PIGN: variants seen among roughly 807,000 people sequenced by gnomAD.
PIGN encodes the protein GPI ethanolamine phosphate transferase 1.
PIGN carries 117 observed loss-of-function variants against 125.4 expected under a neutral mutation model. That is an observed-to-expected ratio of 0.93 (90% confidence interval 0.80 to 1.09). The LOEUF (loss-of-function observed/expected upper bound fraction) is 1.09, where lower values mean the gene tolerates loss of function less well. Among genes scored for constraint, PIGN ranks in the 50% least tolerant of loss-of-function variants. The probability of loss-of-function intolerance (pLI) is 0.00; values close to 1 mark genes in which losing one functional copy is unlikely to be tolerated. For synonymous variants in PIGN, 392 were observed against 377.8 expected (o/e 1.04, Z -0.44); for missense variants, 1,075 against 1,094.9 (o/e 0.98, Z 0.26).
At chr18:62,029,286 CT>C (rs1185337447) in intron 23 of PIGN, among the ~76,000 whole-genome samples, 1 of 152,166 alleles carries the variant, frequency 6.6e-6, no homozygotes, top group Non-Finnish European at 1.5e-5. Context: ...CCTCTCTCTT[CT>C]TTTTTCTCAT....
intron 24 of PIGN, among the ~76,000 whole-genome samples, 160 bp from the exon 25 acceptor site, chr18:62,089,002 T>C (rs1442359950): frequency 6.6e-6 from 1 of 152,026 alleles, no homozygotes; most frequent in Non-Finnish European, 1.5e-5. Flanking sequence ...TTCCCTAGGG[T>C]TTAATTACAC....
At position 62,105,574 on chromosome 18, in the gene PIGN, C is replaced by G. The variant is rs1183232087; in HGVS notation, c.1828G>C (p.Val610Leu). The G allele has an allele frequency of 6.4e-7, 1 of 1,553,666 alleles. No individual in the cohort carries two copies. ...GAGATGTCTGGCTTTCGACCTACAA[C>G]CGGCATCAGTGGGAACACTGCCAGG... is the stretch of plus-strand genomic sequence containing the variant. ...LLLAVFPLMP[V>L]VGRKPDISLV... The change falls in exon 20 of 31, where the codon GTT (valine) becomes CTT (leucine). Residue 610 changes from valine (V) to leucine (L), a missense_variant. Val to Leu is a conservative substitution (Grantham distance 32). Coordinates refer to ENST00000640252, the MANE Select transcript of PIGN (RefSeq NM_176787.5).
intron 30 of PIGN, among the ~76,000 whole-genome samples, chr18:62,072,064 A>C (rs2032910948): frequency 1.3e-5 from 2 of 149,274 alleles, no homozygotes; most frequent in Non-Finnish European, 3.0e-5. Context: ...CTGTAGGCCT[A>C]GGTGAATGTG....
intron 1 of PIGN, among the ~76,000 whole-genome samples, chr18:62,167,559 G>A (rs970079110): frequency 4.6e-5 from 7 of 150,682 alleles, no homozygotes; most frequent in African/African-American, 1.5e-4. Context: ...TTGAACCTGC[G>A]AGGCAGAGGC....
At chr18:62,049,168 T>C (rs1443125022) in intron 30 of PIGN, among the ~76,000 whole-genome samples, 19 of 152,072 alleles carry the variant, frequency 1.2e-4, no homozygotes, top group African/African-American at 4.6e-4. Flanking sequence ...AACATACGTG[T>C]GCATGTGTCT....
At chr18:62,144,916 C>T (rs926430307) in intron 10 of PIGN, among the ~76,000 whole-genome samples, 3 of 150,834 alleles carry the variant, frequency 2.0e-5, no homozygotes, top group South Asian at 4.2e-4. Flanking sequence ...TAGTGAGCTA[C>T]GACTGGCCTG....
intron 30 of PIGN, among the ~76,000 whole-genome samples, chr18:62,046,886 A>T (rs2030757138): frequency 6.6e-6 from 1 of 152,196 alleles, no homozygotes; most frequent in Non-Finnish European, 1.5e-5. Context: ...CAAACGTAAG[A>T]CGACTCCAGG....
At chr18:62,049,452 A>G (rs1038346134) in intron 30 of PIGN, among the ~76,000 whole-genome samples, 3 of 151,712 alleles carry the variant, frequency 2.0e-5, no homozygotes, top group Non-Finnish European at 4.4e-5. Context: ...TCTGATGGCC[A>G]GTGATGGTGA....
intron 14 of PIGN, among the ~76,000 whole-genome samples, chr18:62,124,914 G>T (rs951263769): frequency 6.6e-6 from 1 of 151,218 alleles, no homozygotes; most frequent in East Asian, 1.9e-4. Context: ...TATTTTTCTC[G>T]TCAAAAAACA....
chr18:62,135,041 G>A (rs1338344702), intron 14 of PIGN, among the ~76,000 whole-genome samples: 1 of 152,010 alleles, frequency 6.6e-6, no homozygotes, highest in African/African-American at 2.4e-5. Flanking sequence ...TTCTAATTTG[G>A]AGGATCTGCC....
intron 5 of PIGN, 36 bp from the exon 6 acceptor site, chr18:62,157,263 A>T: frequency 9.7e-7 from 1 of 1,036,090 alleles, no homozygotes; most frequent in Non-Finnish European, 1.5e-6. Context: ...AGTTATATAC[A>T]CATGGTACAA....
Position 62,148,234 on chromosome 18 carries a change from A to G in PIGN, c.654T>C (p.His218=), listed in dbSNP as rs1035743375. Reference sequence around the variant, plus strand: ...ATTACCTCGAGGATGGTCGATGAGCATGTCCGTTTGTATCTATTCCTAATA... The same window carrying G: ...ATTACCTCGAGGATGGTCGATGAGCGTGTCCGTTTGTATCTATTCCTAATA... ...LHLLGIDTNG[H]AHRPSSRDYK... The change falls in exon 8 of 31, where the codon CAT becomes CAC. Residue 218 remains histidine (H), a synonymous_variant. Coordinates refer to ENST00000640252, the MANE Select transcript of PIGN (RefSeq NM_176787.5). 1.1e-5 allele frequency: 17 copies of G among 1,544,484 alleles called. No individual in the cohort carries two copies. Among genetic ancestry groups the G allele is most frequent in the Non-Finnish European group, 1.4e-5 (16 of 1,143,854 alleles).
intron 14 of PIGN, among the ~76,000 whole-genome samples, chr18:62,126,590 G>A (rs2035544063): frequency 6.6e-6 from 1 of 152,048 alleles, no homozygotes; most frequent in Non-Finnish European, 1.5e-5. Flanking sequence ...GTAAAAATAG[G>A]GAAAAACAAT....
chr18:62,025,740 A>G (rs963688226), intron 23 of PIGN, among the ~76,000 whole-genome samples: 13 of 152,128 alleles, frequency 8.5e-5, no homozygotes, highest in African/African-American at 3.1e-4. Flanking sequence ...ACCTAAGCCA[A>G]AGTACCCATA....
Position 62,043,726 on chromosome 18 carries a change from T to C in PIGN, c.*2130A>G, listed in dbSNP as rs1180133266. The stretch of plus-strand genomic sequence containing the variant: ...TAAAGCCTTAGGATTCCCTCTAAGG[T>C]TTATTCATGGGCCCTCTAAGATGAT... On this transcript the variant is annotated 3_prime_UTR_variant, in exon 31 of 31. Coordinates refer to ENST00000640252, the MANE Select transcript of PIGN (RefSeq NM_176787.5). 1 of 152,044 alleles carries C rather than the reference T, an allele frequency of 6.6e-6. No homozygotes were observed. The highest frequency in any genetic ancestry group is 2.4e-5 in the African/African-American group (1 of 41,388). 9.4% of individuals were successfully genotyped at this position (152,044 alleles called of 1,614,324 possible). A position where few individuals can be genotyped will look rare whatever the true frequency, so the allele number is the denominator to read the frequency against.
At chr18:62,036,216 CTTTT>C (rs905415461), downstream of PIGN, among the ~76,000 whole-genome samples, 1 of 151,164 alleles carries the variant, frequency 6.6e-6, no homozygotes, top group African/African-American at 2.4e-5. Flanking sequence ...AGTTTTTTTT[CTTTT>C]TTTTTCTTTT....
chr18:62,143,268 A>G, intron 11 of PIGN, 38 bp downstream of exon 11: 1 of 1,102,686 alleles, frequency 9.1e-7, no homozygotes, highest in Non-Finnish European at 1.3e-6. Context: ...TATAGAAGAT[A>G]AAATTAAATT....
In PIGN at chr18:62,148,179, C is replaced by T. The variant is rs549509706; in HGVS notation, c.674+35G>A. The T allele has an allele frequency of 5.4e-6, 8 of 1,475,490 alleles. No individual in the cohort carries two copies. The South Asian group carries it at 9.8e-5, about 18-fold the overall frequency. The allele number at this position is 1,475,490 out of a possible 1,614,324, so 91.4% of individuals were successfully genotyped here. A position where few individuals can be genotyped will look rare whatever the true frequency, so the allele number is the denominator to read the frequency against. On this transcript the variant is annotated intron_variant, in intron 8 of 30. Coordinates refer to ENST00000640252, the MANE Select transcript of PIGN (RefSeq NM_176787.5). The stretch of plus-strand genomic sequence containing the variant: ...AAAAGTTCAATAGAATAGCTGTTGC[C>T]CTAAAAAATACAATTAAACACAATA...
At position 62,041,641 on chromosome 18, in the gene PIGN, GTGT is replaced by G. The variant is rs1478708857; in HGVS notation, c.*4212_*4214del. Reference sequence around the variant, plus strand: ...TTACAGGAGCCTACCACCCCGCCGGGTGTGTGTGTGTGTGTGTGTGTGTGTGTG... The same window carrying G: ...TTACAGGAGCCTACCACCCCGCCGGGGTGTGTGTGTGTGTGTGTGTGTGTG... On this transcript the variant is annotated 3_prime_UTR_variant, in exon 31 of 31. Transcript: ENST00000640252. 2 of 24,312 alleles carry G rather than the reference GTGT, an allele frequency of 8.2e-5. No individual in the cohort carries two copies. Among genetic ancestry groups the G allele is most frequent in the South Asian group, 2.3e-3 (1 of 426 alleles). The allele number at this position is 24,312 out of a possible 1,614,324, so 1.5% of individuals were successfully genotyped here.
Sources: allele counts gnomAD v4.1 joint callset (sites outside exome capture counted in the v4.1 genomes callset), GRCh38; gene constraint gnomAD v4.1.1; transcripts MANE v1.5; gene names NCBI Gene and HGNC (gene_info 2026-07-23, HGNC 2026-07-21).